MAP2K5: variants seen among roughly 807,000 people sequenced by gnomAD.
The protein encoded by MAP2K5 is mitogen-activated protein kinase kinase 5.
MAP2K5 carries 49 observed loss-of-function variants against 83.1 expected under a neutral mutation model. That is an observed-to-expected ratio of 0.59 (90% CI 0.47 to 0.75). The LOEUF (loss-of-function observed/expected upper bound fraction) is 0.75, where lower values mean the gene tolerates loss of function less well. MAP2K5 is among the 30% of genes least tolerant of loss of function. The pLI is 0.00. For synonymous variants in MAP2K5, 202 were observed against 191.8 expected (o/e 1.05, Z -0.44); for missense variants, 457 against 557.5 (o/e 0.82, Z 1.82).
At chr15:67,556,236 T>G (rs1263725572) in intron 2 of MAP2K5, among the ~76,000 whole-genome samples, 1 of 152,236 alleles carries the variant, frequency 6.6e-6, no homozygotes, top group Non-Finnish European at 1.5e-5. Context: ...TTCAGCTTAT[T>G]GCTCTTTTCG....
chr15:67,747,925 G>C lies in MAP2K5; in HGVS notation c.1075-306G>C, dbSNP rs1470649492. ...CATTAAGCCCAGTGTTCACAATCTAGCAATATAAAACATTATTTATATCTG... is the reference window on the plus strand; with the variant it reads ...CATTAAGCCCAGTGTTCACAATCTACCAATATAAAACATTATTTATATCTG... On this transcript the variant is annotated intron_variant, in intron 17 of 21. Transcript: ENST00000178640. The surrounding 1 kb of genome is among the most constrained non-coding windows in gnomAD (Gnocchi z 4.1). Among the ~76,000 whole-genome samples, 1 of 152,182 alleles carries C rather than the reference G, an allele frequency of 6.6e-6. No individual in the cohort carries two copies. Among genetic ancestry groups the C allele is most frequent in the Non-Finnish European group, 1.5e-5 (1 of 68,042 alleles).
chr15:67,548,250 T>A (rs1211916181), intron 1 of MAP2K5, among the ~76,000 whole-genome samples: 1 of 152,238 alleles, frequency 6.6e-6, no homozygotes, highest in Non-Finnish European at 1.5e-5. Context: ...TAACTGGTGA[T>A]AACCTAGACT....
In MAP2K5 at chr15:67,585,942, A is replaced by T; in HGVS notation, c.363+12A>T. ...TACATGGCCTGAAGGTACGAATTTC[A>T]ATAATTGTTTCAGTAAAGTTAGATG... On this transcript the variant is annotated intron_variant, in intron 5 of 21. Transcript: ENST00000178640. 1 of 1,611,964 alleles carries T rather than the reference A, an allele frequency of 6.2e-7. No individual in the cohort carries two copies. The highest frequency in any genetic ancestry group is 8.5e-7 in the Non-Finnish European group (1 of 1,177,996).
intron 13 of MAP2K5, among the ~76,000 whole-genome samples, chr15:67,689,936 C>T (rs921602081): frequency 3.3e-5 from 5 of 152,200 alleles, no homozygotes; most frequent in Non-Finnish European, 7.3e-5. Flanking sequence ...CTCCACGGGC[C>T]ACATGAGCCA....
intron 13 of MAP2K5, among the ~76,000 whole-genome samples, chr15:67,689,220 T>C (rs1194289733): frequency 2.0e-5 from 3 of 152,218 alleles, no homozygotes; most frequent in Non-Finnish European, 4.4e-5. Context: ...CAAGACCCTG[T>C]CTCTGAAATA....
In MAP2K5 at chr15:67,724,866, C is replaced by T. The variant is rs182439634; in HGVS notation, c.1045-3050C>T. ...TAGATTCCCAAGTCTTTCAACAGCC[C>T]AGTGGTGACACTCTGTAAGAGAGGA... On this transcript the variant is annotated intron_variant, in intron 16 of 21. Transcript: ENST00000178640. This position sits in a 1 kb window ranked among gnomAD's most constrained non-coding sequence, Gnocchi z 4.4. 6.6e-6 allele frequency among the ~76,000 whole-genome samples: 1 copy of T among 152,324 alleles called. No homozygotes were observed. Among genetic ancestry groups the T allele is most frequent in the Admixed American group, 6.5e-5 (1 of 15,304 alleles).
chr15:67,759,200 G>A (rs558729978), intron 19 of MAP2K5, among the ~76,000 whole-genome samples: 5 of 152,204 alleles, frequency 3.3e-5, no homozygotes, highest in South Asian at 2.1e-4. Context: ...GAAAATAGCC[G>A]GTGCTGGGGG....
chr15:67,772,703 A>G lies in MAP2K5; in HGVS notation c.1197-4A>G, dbSNP rs1294279370. 9 of 1,601,826 alleles carry G rather than the reference A, an allele frequency of 5.6e-6. No individual in the cohort carries two copies. The South Asian group carries it at 6.8e-5, about 12-fold the overall frequency. On this transcript the variant is annotated splice_region_variant and splice_polypyrimidine_tract_variant and intron_variant, in intron 20 of 21. Transcript: ENST00000178640. The stretch of plus-strand genomic sequence containing the variant: ...CATAAGGGGTTTTTTTCTCTCCACT[A>G]TAGTATGCGAAAACAGCCAAAAGAA...
rs2089623467 is a variant in MAP2K5, at chr15:67,747,208, T to A, written c.1075-1023T>A. Among the ~76,000 whole-genome samples, 1 of 152,170 alleles carries A rather than the reference T, an allele frequency of 6.6e-6. No individual in the cohort carries two copies. Among genetic ancestry groups the A allele is most frequent in the Non-Finnish European group, 1.5e-5 (1 of 68,022 alleles). The stretch of plus-strand genomic sequence containing the variant: ...GCCAAACTCAGGGTGGTTGTACAGA[T>A]CAAATGAGTTTGTATATGGGAAAGA... On this transcript the variant is annotated intron_variant, in intron 17 of 21. Coordinates refer to ENST00000178640, the MANE Select transcript of MAP2K5 (RefSeq NM_145160.3). The surrounding 1 kb of genome is among the most constrained non-coding windows in gnomAD (Gnocchi z 4.1).
intron 17 of MAP2K5, among the ~76,000 whole-genome samples, chr15:67,743,352 A>T (rs763503982): frequency 1.3e-5 from 2 of 152,248 alleles, no homozygotes; most frequent in Non-Finnish European, 2.9e-5. Context: ...CACAGACATG[A>T]TAAGAACTTG....
At chr15:67,745,996 C>T (rs184599469) in intron 17 of MAP2K5, among the ~76,000 whole-genome samples, 6 of 152,188 alleles carry the variant, frequency 3.9e-5, no homozygotes, top group Admixed American at 3.9e-4. Flanking sequence ...CTTTAAAAAC[C>T]TGGGCAAAAC....
rs1276705346 is a variant in MAP2K5 at position 67,652,882 on chromosome 15, A to G, written c.737-5671A>G. On this transcript the variant is annotated intron_variant, in intron 11 of 21. Transcript: ENST00000178640. This position sits in a 1 kb window ranked among gnomAD's most constrained non-coding sequence, Gnocchi z 4.2. ...GTACCTCATATAATTGGAATCACAC[A>G]GTATTTGTCTTATTGTGTCTGGCTT... is the stretch of plus-strand genomic sequence containing the variant. 1.3e-5 allele frequency among the ~76,000 whole-genome samples: 2 copies of G among 152,122 alleles called. No individual in the cohort carries two copies. The highest frequency in any genetic ancestry group is 3.9e-4 in the East Asian group (2 of 5,186).
intron 3 of MAP2K5, among the ~76,000 whole-genome samples, chr15:67,576,495 T>C (rs2085067883): frequency 6.8e-6 from 1 of 147,650 alleles, no homozygotes; most frequent in African/African-American, 2.5e-5. Flanking sequence ...CTAAACTTTG[T>C]CACATCCTTA....
intron 6 of MAP2K5, among the ~76,000 whole-genome samples, 154 bp from the exon 7 acceptor site, chr15:67,592,772 A>T (rs749370579): frequency 2.0e-5 from 3 of 152,038 alleles, no homozygotes; most frequent in Non-Finnish European, 4.4e-5. Flanking sequence ...GCATTTGGCC[A>T]GTTACTTTTG....
Position 67,552,999 on chromosome 15 carries a change from T to C in MAP2K5, c.184+2917T>C, listed in dbSNP as rs2084543606. ...TTGCTTTTCGGATCCCCAAAGTGGC[T>C]TGATGTGCCTGTGCCTGCCTCATTG... On this transcript the variant is annotated intron_variant, in intron 2 of 21. Coordinates refer to ENST00000178640, the MANE Select transcript of MAP2K5 (RefSeq NM_145160.3). The surrounding 1 kb of genome is among the most constrained non-coding windows in gnomAD (Gnocchi z 4.2). Among the ~76,000 whole-genome samples, 1 of 152,200 alleles carries C rather than the reference T, an allele frequency of 6.6e-6. No homozygotes were observed. Among genetic ancestry groups the C allele is most frequent in the Non-Finnish European group, 1.5e-5 (1 of 68,030 alleles).
chr15:67,633,818 T>C (rs181324840), intron 9 of MAP2K5, among the ~76,000 whole-genome samples: 5 of 152,210 alleles, frequency 3.3e-5, no homozygotes, highest in African/African-American at 1.2e-4. Flanking sequence ...GCAAAAACCA[T>C]GTAACTTGTA....
intron 11 of MAP2K5, among the ~76,000 whole-genome samples, chr15:67,646,948 G>A (rs1452940710): frequency 6.6e-6 from 1 of 152,096 alleles, no homozygotes; most frequent in African/African-American, 2.4e-5. Context: ...TTGGACTTTA[G>A]CCCTTTCCTT....
rs1379341240 is a variant in MAP2K5 at position 67,663,040 on chromosome 15, TA to T, written c.799-1553del. On this transcript the variant is annotated intron_variant, in intron 12 of 21. Coordinates refer to ENST00000178640, the MANE Select transcript of MAP2K5 (RefSeq NM_145160.3). ...TGCTTCACCCATATTCCCCAGTTGT[TA>T]AAAGTTTACCATATTGGGTTAAAAA... Among the ~76,000 whole-genome samples, 13 of 152,206 alleles carry T rather than the reference TA, an allele frequency of 8.5e-5. No homozygotes were observed. In the East Asian group the frequency reaches 2.3e-3, roughly 27 times the overall value.
chr15:67,549,122 A>G, intron 1 of MAP2K5: 1 of 1,535,348 alleles, frequency 6.5e-7, no homozygotes, highest in Non-Finnish European at 8.7e-7. Flanking sequence ...TGGGAGGGAC[A>G]CTGTGGCAGA....
Sources: allele counts gnomAD v4.1 joint callset (sites outside exome capture counted in the v4.1 genomes callset), GRCh38; gene constraint gnomAD v4.1.1; non-coding constraint Gnocchi (gnomAD v3.1); transcripts MANE v1.5; gene names NCBI Gene and HGNC (gene_info 2026-07-23, HGNC 2026-07-21).